Variants in PHACTR2 observed in about 807,000 individuals in gnomAD.
PHACTR2 encodes phosphatase and actin regulator 2, also known as chromosome 6 open reading frame 56.
PHACTR2 carries 30 observed loss-of-function variants against 76.0 expected under a neutral mutation model. That is an observed-to-expected ratio of 0.39 (90% CI 0.30 to 0.54). PHACTR2 has a LOEUF of 0.54. PHACTR2 is among the 20% of genes least tolerant of loss of function. The pLI is 0.61. For missense variants in PHACTR2, 696 were observed against 781.1 expected, an observed-to-expected ratio of 0.89 and a Z score of 1.30; for synonymous variants, 292 against 292.5, an observed-to-expected ratio of 1.00 and a Z score of 0.02.
rs1376184149 is a variant in PHACTR2, at chr6:143,811,282, G to C, written c.1922+4149G>C. Among the ~76,000 whole-genome samples the C allele has an allele frequency of 6.6e-6, 1 of 152,134 alleles. No individual in the cohort carries two copies. The highest frequency in any genetic ancestry group is 1.5e-5 in the Non-Finnish European group (1 of 68,004). On this transcript the variant is annotated intron_variant, in intron 12 of 12. Coordinates refer to ENST00000440869, the MANE Select transcript of PHACTR2 (RefSeq NM_001100164.2). This position sits in a 1 kb window ranked among gnomAD's most constrained non-coding sequence, Gnocchi z 4.1. ...ATTGCTTATTATGTTCTAATGAGCT[G>C]TTTGTCTATCCATGTCTATATCCTA...
At chr6:143,756,590 T>C (rs1779303849) in intron 4 of PHACTR2, among the ~76,000 whole-genome samples, 3 of 150,740 alleles carry the variant, frequency 2.0e-5, no homozygotes, top group South Asian at 4.2e-4. Flanking sequence ...TCCCAGCTAC[T>C]CGGGAGGCTG....
intron 1 of PHACTR2, among the ~76,000 whole-genome samples, chr6:143,609,659 A>G (rs1202044295): frequency 3.3e-5 from 5 of 152,238 alleles, no homozygotes; most frequent in Non-Finnish European, 7.3e-5. Flanking sequence ...TTAAATAAAT[A>G]AACTTAGAAT....
rs1481802441 is a variant in PHACTR2, at chr6:143,761,615, G to A, written c.694+975G>A. ...CTAAAAATACAAGAATTAGCCAGGC[G>A]TCGTGGCGTGCACCTCTAATCCCAG... On this transcript the variant is annotated intron_variant, in intron 5 of 12. Coordinates refer to ENST00000440869, the MANE Select transcript of PHACTR2 (RefSeq NM_001100164.2). The surrounding 1 kb of genome is among the most constrained non-coding windows in gnomAD (Gnocchi z 5.2). Among the ~76,000 whole-genome samples, 8 of 152,172 alleles carry A rather than the reference G, an allele frequency of 5.3e-5. No individual in the cohort carries two copies. Among genetic ancestry groups the A allele is most frequent in the South Asian group, 2.1e-4 (1 of 4,818 alleles).
At chr6:143,564,130 T>A (rs1005916658) in intron 1 of PHACTR2, among the ~76,000 whole-genome samples, 1 of 148,418 alleles carries the variant, frequency 6.7e-6, no homozygotes, top group Admixed American at 6.7e-5. Context: ...TTTACTTTTT[T>A]AAGTTTTTAG....
Position 143,678,229 on chromosome 6 carries a change from G to A in PHACTR2, c.46+20G>A. ...GCAGCGGTGAGTCCGGGGCGCACGC[G>A]ATGCGCTCCCGCCGCGCGGGCGCAG... On this transcript the variant is annotated intron_variant, in intron 1 of 12. Transcript: ENST00000440869. The surrounding 1 kb of genome is among the most constrained non-coding windows in gnomAD (Gnocchi z 6.2). The A allele has an allele frequency of 4.0e-6, 6 of 1,484,984 alleles. No individual in the cohort carries two copies. Among genetic ancestry groups the A allele is most frequent in the Non-Finnish European group, 5.4e-6 (6 of 1,118,448 alleles). 92.0% of individuals were successfully genotyped at this position (1,484,984 alleles called of 1,614,324 possible).
intron 2 of PHACTR2, among the ~76,000 whole-genome samples, chr6:143,741,041 A>G (rs1304303595): frequency 6.6e-6 from 1 of 152,246 alleles, no homozygotes; most frequent in Non-Finnish European, 1.5e-5. Context: ...TGAGGTCAGG[A>G]GTTCGAGACC....
At position 143,556,173 on chromosome 6, in the gene PHACTR2, A is replaced by G. The variant is rs1188184557; in HGVS notation, c.217+18966A>G. Among the ~76,000 whole-genome samples, 1 of 152,226 alleles carries G rather than the reference A, an allele frequency of 6.6e-6. No individual in the cohort carries two copies. The highest frequency in any genetic ancestry group is 2.4e-5 in the African/African-American group (1 of 41,464). On this transcript the variant is annotated intron_variant, in intron 1 of 11. Coordinates refer to the PHACTR2 transcript ENST00000367584. The surrounding 1 kb of genome is among the most constrained non-coding windows in gnomAD (Gnocchi z 4.3). ...AGGACTTCAGGCAGGGATCATTACT[A>G]AAGTCCCTAGCTTTGATTAGAATTT...
At chr6:143,766,933 CCTGAGT>C (rs1398009081) in intron 6 of PHACTR2, among the ~76,000 whole-genome samples, 1 of 152,098 alleles carries the variant, frequency 6.6e-6, no homozygotes, top group Admixed American at 6.5e-5. Flanking sequence ...GCTTTTTGCT[CCTGAGT>C]CTAAGAACAA....
rs1449167986 is a variant in PHACTR2, at chr6:143,589,758, C to T, written c.217+52551C>T. Among the ~76,000 whole-genome samples the T allele has an allele frequency of 6.6e-6, 1 of 152,150 alleles. No homozygotes were observed. Among genetic ancestry groups the T allele is most frequent in the Non-Finnish European group, 1.5e-5 (1 of 68,028 alleles). On this transcript the variant is annotated intron_variant, in intron 1 of 11. Transcript: ENST00000367584. The surrounding 1 kb of genome is among the most constrained non-coding windows in gnomAD (Gnocchi z 4.4). The stretch of plus-strand genomic sequence containing the variant: ...CATTTCAAGGTCCTGGAAGCCAGGG[C>T]TTCAACATATAAATTTAGGGGAGGG...
At chr6:143,763,250 T>C (rs1582853136) in intron 5 of PHACTR2, among the ~76,000 whole-genome samples, 1 of 151,886 alleles carries the variant, frequency 6.6e-6, no homozygotes, top group Non-Finnish European at 1.5e-5. Flanking sequence ...TCCCAACTAT[T>C]TGGGAGACTG....
intron 6 of PHACTR2, among the ~76,000 whole-genome samples, chr6:143,771,205 T>C (rs1018732867): frequency 0.013 from 1,070 of 85,448 alleles, 36 homozygotes; most frequent in Non-Finnish European, 0.014. Context: ...TATATATATA[T>C]ATATATATAT....
upstream of PHACTR2, among the ~76,000 whole-genome samples, chr6:143,607,650 C>G (rs1775898300): frequency 6.6e-6 from 1 of 152,170 alleles, no homozygotes; most frequent in Non-Finnish European, 1.5e-5. Context: ...ATGAACATAA[C>G]TAAAATGGAA....
In PHACTR2 at chr6:143,663,177, G is replaced by A. The variant is rs1776972189; in HGVS notation, c.14-48839G>A. Among the ~76,000 whole-genome samples the A allele has an allele frequency of 6.6e-6, 1 of 152,130 alleles. No individual in the cohort carries two copies. The highest frequency in any genetic ancestry group is 2.1e-4 in the South Asian group (1 of 4,826). On this transcript the variant is annotated intron_variant, in intron 1 of 11. Coordinates refer to the PHACTR2 transcript ENST00000305766. The surrounding 1 kb of genome is among the most constrained non-coding windows in gnomAD (Gnocchi z 4.1). ...GAATAGCACAGTGATGAACGTACGA[G>A]TGCATGTGTCTTTTTGCTATAGTGA...
chr6:143,797,526 T>C (rs1387062468), intron 11 of PHACTR2, among the ~76,000 whole-genome samples: 2 of 152,230 alleles, frequency 1.3e-5, no homozygotes, highest in Non-Finnish European at 2.9e-5. Flanking sequence ...GGTTTTCTTC[T>C]AGGATTTTTA....
intron 1 of PHACTR2, among the ~76,000 whole-genome samples, chr6:143,559,987 A>G (rs1193375864): frequency 6.6e-6 from 1 of 152,126 alleles, no homozygotes; most frequent in African/African-American, 2.4e-5. Context: ...CTGGGATTAC[A>G]GGTGTGAGCC....
rs573136775 is a variant in PHACTR2, at chr6:143,800,286, G to A, written c.1846-6771G>A. The stretch of plus-strand genomic sequence containing the variant: ...TTTTATTTTTTATTTTTTTGAGACC[G>A]AGTCTGGCTCTGTTGCCCAGGCTGG... On this transcript the variant is annotated intron_variant, in intron 11 of 12. Coordinates refer to ENST00000440869, the MANE Select transcript of PHACTR2 (RefSeq NM_001100164.2). This position sits in a 1 kb window ranked among gnomAD's most constrained non-coding sequence, Gnocchi z 4.8. 9.2e-5 allele frequency among the ~76,000 whole-genome samples: 14 copies of A among 151,512 alleles called. 1 individual carries two copies. In the South Asian group the frequency reaches 2.1e-3, roughly 23 times the overall value.
rs1186502540 is a variant in PHACTR2, at chr6:143,585,068, C to T, written c.217+47861C>T. On this transcript the variant is annotated intron_variant, in intron 1 of 11. Transcript: ENST00000367584. This position sits in a 1 kb window ranked among gnomAD's most constrained non-coding sequence, Gnocchi z 5.2. ...ACTCAAGTTGTTGGGGGACACATGA[C>T]TATTTAAGCAGCAATTATGGAGTTG... Among the ~76,000 whole-genome samples, 1 of 151,180 alleles carries T rather than the reference C, an allele frequency of 6.6e-6. No homozygotes were observed. Among genetic ancestry groups the T allele is most frequent in the East Asian group, 1.9e-4 (1 of 5,148 alleles).
At chr6:143,728,216 C>CTTTTTTTTT (rs548709835) in intron 2 of PHACTR2, among the ~76,000 whole-genome samples, 1 of 83,744 alleles carries the variant, frequency 1.2e-5, no homozygotes, top group Non-Finnish European at 2.2e-5. Context: ...TTTTTTCTTT[C>CTTTTTTTTT]TTTTTTTTTT....
intron 11 of PHACTR2, among the ~76,000 whole-genome samples, chr6:143,796,190 G>A (rs957171368): frequency 6.6e-6 from 1 of 152,150 alleles, no homozygotes; most frequent in African/African-American, 2.4e-5. Flanking sequence ...TGATGCCTTA[G>A]CAGCAGAAGG....
Sources: gnomAD v4.1 joint callset for allele counts (sites outside exome capture counted in the v4.1 genomes callset) on GRCh38, gnomAD v4.1.1 for gene constraint, Gnocchi (gnomAD v3.1) non-coding constraint, MANE v1.5 for transcripts, NCBI Gene and HGNC (gene_info 2026-07-23, HGNC 2026-07-21) for gene names.